SMYD3: variants seen among roughly 807,000 people sequenced by gnomAD.
SMYD3 encodes the protein SET and MYND domain containing 3.
A neutral mutation model predicts 57.7 loss-of-function variants in SMYD3; 36 were observed. The ratio of observed to expected loss-of-function variants is 0.62; its 90% CI spans 0.48 to 0.82. The LOEUF is 0.82. Ranked by LOEUF, SMYD3 falls within the 40% of genes least tolerant of loss-of-function variation. The probability of loss-of-function intolerance (pLI) is 0.00; values close to 1 mark genes in which losing one functional copy is unlikely to be tolerated. For missense variants in SMYD3, 515 were observed against 538.8 expected, an observed-to-expected ratio of 0.96 and a Z score of 0.44; for synonymous variants, 211 against 195.0, an observed-to-expected ratio of 1.08 and a Z score of -0.68.
At chr1:246,177,815 T>G (rs77920536) in intron 5 of SMYD3, among the ~76,000 whole-genome samples, 1 of 152,106 alleles carries the variant, frequency 6.6e-6, no homozygotes, top group Non-Finnish European at 1.5e-5. Context: ...GATTCAGATA[T>G]TAAGTAGAGC....
At chr1:245,846,067 G>C (rs565288391) in intron 10 of SMYD3, among the ~76,000 whole-genome samples, 1 of 152,056 alleles carries the variant, frequency 6.6e-6, no homozygotes, top group African/African-American at 2.4e-5. Flanking sequence ...TTTTTCTTTT[G>C]TTATACAGAT....
In SMYD3 at chr1:245,920,446, G is replaced by A. The variant is rs111998253; in HGVS notation, c.703-4806C>T. Reference sequence around the variant, plus strand: ...TGAACTGGAAAAAAGCCTGAAAAATGTCACTTCTTTTTAAAGTCAAACCTG... The same window carrying A: ...TGAACTGGAAAAAAGCCTGAAAAATATCACTTCTTTTTAAAGTCAAACCTG... On this transcript the variant is annotated intron_variant, in intron 7 of 11. Transcript: ENST00000490107. Among the ~76,000 whole-genome samples, 447 of 151,916 alleles carry A rather than the reference G, an allele frequency of 2.9e-3. 3 individuals are homozygous for A. The highest frequency in any genetic ancestry group is 9.6e-3 in the African/African-American group (398 of 41,450).
At chr1:246,164,802 A>G (rs1298284464) in intron 5 of SMYD3, among the ~76,000 whole-genome samples, 6 of 152,256 alleles carry the variant, frequency 3.9e-5, no homozygotes, top group Non-Finnish European at 5.9e-5. Context: ...AAGAGTATCA[A>G]TCATGGAAAA....
chr1:245,884,397 G>C (rs2052964893), intron 8 of SMYD3, among the ~76,000 whole-genome samples: 1 of 152,198 alleles, frequency 6.6e-6, no homozygotes, highest in Non-Finnish European at 1.5e-5. Context: ...CAGGGACAGA[G>C]AGGAACCGGA....
At position 245,843,447 on chromosome 1, in the gene SMYD3, C is replaced by A. The variant is rs140858001; in HGVS notation, c.1076+15049G>T. ...CTAAGTTAAAAAAATAAAATAAAAT[C>A]TCCTGCTTTTTAGAAGTTAGCAAAT... On this transcript the variant is annotated intron_variant, in intron 10 of 11. Coordinates refer to ENST00000490107, the MANE Select transcript of SMYD3 (RefSeq NM_001167740.2). Among the ~76,000 whole-genome samples the A allele has an allele frequency of 2.6e-3, 396 of 152,222 alleles. 2 individuals carry two copies. Among genetic ancestry groups the A allele is most frequent in the African/African-American group, 9.0e-3 (372 of 41,514 alleles).
At chr1:246,342,727 G>A (rs2065652315) in intron 2 of SMYD3, among the ~76,000 whole-genome samples, 2 of 152,114 alleles carry the variant, frequency 1.3e-5, no homozygotes, top group Admixed American at 1.3e-4. Context: ...AAGAAGGAAT[G>A]TGCCATGAAA....
chr1:246,504,068 G>A (rs1269992655), intron 1 of SMYD3, among the ~76,000 whole-genome samples: 7 of 151,322 alleles, frequency 4.6e-5, no homozygotes, highest in Admixed American at 4.6e-4. Context: ...GGAAAAACCA[G>A]AAGCCATTCC....
intron 5 of SMYD3, among the ~76,000 whole-genome samples, chr1:246,082,238 G>T (rs1239940219): frequency 3.3e-5 from 5 of 152,172 alleles, no homozygotes; most frequent in Non-Finnish European, 2.9e-5. Flanking sequence ...TAAAATGTAG[G>T]CGTAGTTTCT....
At chr1:246,494,214 A>G (rs1296360617) in intron 1 of SMYD3, among the ~76,000 whole-genome samples, 2 of 152,210 alleles carry the variant, frequency 1.3e-5, no homozygotes, top group African/African-American at 2.4e-5. Flanking sequence ...TGTATCACAG[A>G]CGCTATCCCA....
chr1:246,227,954 TCC>T (rs1253884557), intron 5 of SMYD3, among the ~76,000 whole-genome samples: 5 of 138,402 alleles, frequency 3.6e-5, no homozygotes, highest in South Asian at 2.4e-4. Context: ...TTATTTTTAT[TCC>T]TTTTTTTTTT....
chr1:246,146,314 C>T (rs2061841861), intron 5 of SMYD3, among the ~76,000 whole-genome samples: 1 of 152,136 alleles, frequency 6.6e-6, no homozygotes, highest in African/African-American at 2.4e-5. Flanking sequence ...TCCAGCAACC[C>T]AGGACATTTG....
At chr1:245,999,496 G>A (rs2058997067) in intron 5 of SMYD3, among the ~76,000 whole-genome samples, 1 of 151,964 alleles carries the variant, frequency 6.6e-6, no homozygotes, top group South Asian at 2.1e-4. Context: ...AGCAAGACAT[G>A]GCAAAACCTA....
chr1:246,439,050 T>C (rs986642536), intron 1 of SMYD3, among the ~76,000 whole-genome samples: 2 of 148,394 alleles, frequency 1.3e-5, no homozygotes, highest in African/African-American at 2.5e-5. Context: ...ATGTAAATAG[T>C]TGTTATGCTG....
intron 1 of SMYD3, among the ~76,000 whole-genome samples, chr1:246,458,657 G>A (rs1384996224): frequency 7.8e-5 from 10 of 128,358 alleles, no homozygotes; most frequent in African/African-American, 2.3e-4. Flanking sequence ...TAGTAGAGAC[G>A]GGGTTTCATT....
At chr1:246,490,732 T>C (rs982945495) in intron 1 of SMYD3, among the ~76,000 whole-genome samples, 1 of 152,068 alleles carries the variant, frequency 6.6e-6, no homozygotes, top group African/African-American at 2.4e-5. Flanking sequence ...CCAGGTATAG[T>C]GGCAGGCACC....
At chr1:246,270,261 G>C (rs1339246709) in intron 5 of SMYD3, among the ~76,000 whole-genome samples, 1 of 152,114 alleles carries the variant, frequency 6.6e-6, no homozygotes, top group East Asian at 1.9e-4. Context: ...TCAAGGCATA[G>C]ATGCATCCAA....
intron 1 of SMYD3, among the ~76,000 whole-genome samples, chr1:246,453,657 T>G (rs115167011): frequency 0.011 from 1,607 of 152,238 alleles, 27 homozygotes; most frequent in African/African-American, 0.035. Flanking sequence ...GGCACCTAAG[T>G]AAAAGCCACA....
At chr1:245,924,654 GCTTT>G (rs1558499860) in intron 7 of SMYD3, among the ~76,000 whole-genome samples, 1 of 115,126 alleles carries the variant, frequency 8.7e-6, no homozygotes, top group South Asian at 2.8e-4. Context: ...CTCTATTCCA[GCTTT>G]TTTTTTTTTT....
chr1:245,896,815 G>T (rs563506602), intron 8 of SMYD3, among the ~76,000 whole-genome samples: 5 of 152,244 alleles, frequency 3.3e-5, no homozygotes, highest in Non-Finnish European at 5.9e-5. Context: ...AGGTCCAAAT[G>T]CCATTAAGTT....
Sources: allele counts gnomAD v4.1 joint callset (sites outside exome capture counted in the v4.1 genomes callset), GRCh38; gene constraint gnomAD v4.1.1; transcripts MANE v1.5; gene names NCBI Gene and HGNC (gene_info 2026-07-23, HGNC 2026-07-21).